ERI3: variants seen among roughly 807,000 people sequenced by gnomAD.
ERI3 encodes the protein ERI1 exoribonuclease 3.
In ERI3, 18 loss-of-function variants were observed where a neutral mutation model predicts 44.4. That is an observed-to-expected ratio of 0.41 (90% CI 0.28 to 0.60). The LOEUF is 0.60. ERI3 is among the 20% of genes least tolerant of loss of function. The probability of loss-of-function intolerance (pLI) is 0.36; values close to 1 mark genes in which losing one functional copy is unlikely to be tolerated. For synonymous variants in ERI3, 183 were observed against 164.8 expected, an observed-to-expected ratio of 1.11 and a Z score of -0.84; for missense variants, 294 against 435.5, an observed-to-expected ratio of 0.68 and a Z score of 2.89.
chr1:44,294,322 T>G, intron 6 of ERI3, among the ~76,000 whole-genome samples: 1 of 152,202 alleles, frequency 6.6e-6, no homozygotes, highest in Non-Finnish European at 1.5e-5. Flanking sequence ...CAAAAGACAC[T>G]GTATATGCAT....
rs148541711 is a variant in ERI3 at position 44,292,734 on chromosome 1, C to T, written c.759-7827G>A. Among the ~76,000 whole-genome samples, 9 of 152,326 alleles carry T rather than the reference C, an allele frequency of 5.9e-5. No individual in the cohort carries two copies. The East Asian group carries it at 1.7e-3, about 29-fold the overall frequency. On this transcript the variant is annotated intron_variant, in intron 6 of 8. Transcript: ENST00000372257. The stretch of plus-strand genomic sequence containing the variant: ...GCTGACTTATCAGCCCACTTTGCCC[C>T]CACACTTGCCCCCTTCCTCTGGGAC...
At chr1:44,333,283 G>A (rs1394749700) in intron 3 of ERI3, among the ~76,000 whole-genome samples, 4 of 152,168 alleles carry the variant, frequency 2.6e-5, no homozygotes, top group South Asian at 2.1e-4. Context: ...CATTAACGTC[G>A]GTTTTGCATT....
chr1:44,235,327 A>G lies in ERI3; in HGVS notation c.931+12612T>C, dbSNP rs902521923. Among the ~76,000 whole-genome samples the G allele has an allele frequency of 6.6e-6, 1 of 152,058 alleles. No individual in the cohort carries two copies. The highest frequency in any genetic ancestry group is 1.5e-5 in the Non-Finnish European group (1 of 68,020). Reference sequence around the variant, plus strand: ...CAAGTCCTCACTTCTCACCTGGCTCATTGCCTTCACCTCTCAGGACCCAGG... The same window carrying G: ...CAAGTCCTCACTTCTCACCTGGCTCGTTGCCTTCACCTCTCAGGACCCAGG... On this transcript the variant is annotated intron_variant, in intron 8 of 8. Transcript: ENST00000372257. This position sits in a 1 kb window ranked among gnomAD's most constrained non-coding sequence, Gnocchi z 4.6.
intron 3 of ERI3, among the ~76,000 whole-genome samples, chr1:44,329,456 T>A (rs531590711): frequency 6.6e-6 from 1 of 152,316 alleles, no homozygotes; most frequent in South Asian, 2.1e-4. Context: ...ATCTCACTCA[T>A]CAGCCCTACC....
intron 7 of ERI3, among the ~76,000 whole-genome samples, chr1:44,253,944 C>T (rs1480191574): frequency 6.6e-6 from 1 of 152,156 alleles, no homozygotes; most frequent in Non-Finnish European, 1.5e-5. Flanking sequence ...GTCACAGAAA[C>T]CATGAGGGAT....
intron 2 of ERI3, among the ~76,000 whole-genome samples, chr1:44,342,818 T>TATATATATATATATATAA (rs1646684848): frequency 9.6e-5 from 1 of 10,368 alleles, no homozygotes; most frequent in Non-Finnish European, 1.9e-4. Context: ...AGCTAATATA[T>TATATATATATATATATAA]ATATATATAT....
chr1:44,339,269 G>T lies in ERI3; in HGVS notation c.265C>A (p.Arg89=). ...CTTGAAAGTAAATACGAAGAAAATC[G>T]AGCTGCTCCAGTCTGTAAAGGTGCT... The part of the protein sequence containing the change: ...MLAPLQTGAA[R]FSSYLLSRAR... Residue 89 remains arginine, a synonymous_variant, in exon 3 of 9, where the codon CGA becomes AGA. Transcript: ENST00000372257. 1 of 1,610,220 alleles carries T rather than the reference G, an allele frequency of 6.2e-7. No homozygotes were observed. The highest frequency in any genetic ancestry group is 8.5e-7 in the Non-Finnish European group (1 of 1,179,284).
At chr1:44,338,364 G>A (rs1646577484) in intron 3 of ERI3, among the ~76,000 whole-genome samples, 1 of 152,184 alleles carries the variant, frequency 6.6e-6, no homozygotes, top group Non-Finnish European at 1.5e-5. Flanking sequence ...GTCATCTGAA[G>A]GCCTGACCGG....
chr1:44,317,603 G>C (rs1293363618), intron 4 of ERI3, among the ~76,000 whole-genome samples: 2 of 152,048 alleles, frequency 1.3e-5, no homozygotes, highest in African/African-American at 2.4e-5. Flanking sequence ...ATCAGGTCTA[G>C]TTTCTTCCCT....
intron 5 of ERI3, among the ~76,000 whole-genome samples, chr1:44,310,963 G>GCGCGCGCGCGCGCGCA (rs1373873768): frequency 7.3e-4 from 90 of 123,178 alleles, no homozygotes; most frequent in Non-Finnish European, 1.1e-3. Context: ...GCGCGCGCGC[G>GCGCGCGCGCGCGCGCA]CACACACACA....
rs562497683 is a variant in ERI3, at chr1:44,341,718, C to G, written c.212-2396G>C. Among the ~76,000 whole-genome samples the G allele has an allele frequency of 3.9e-5, 6 of 152,182 alleles. No individual in the cohort carries two copies. In the East Asian group the frequency reaches 1.2e-3, roughly 29 times the overall value. ...CCTGGGAAACATAGTGAGACCCAAT[C>G]TCTACAAAAAATAAATTAAAAATTA... On this transcript the variant is annotated intron_variant, in intron 2 of 8. Transcript: ENST00000372257.
At chr1:44,274,880 C>T (rs1006764307) in intron 7 of ERI3, among the ~76,000 whole-genome samples, 2 of 152,152 alleles carry the variant, frequency 1.3e-5, no homozygotes, top group Admixed American at 6.5e-5. Context: ...GTGCTCTATG[C>T]GTGTGTTTTT....
intron 7 of ERI3, among the ~76,000 whole-genome samples, chr1:44,271,795 A>C (rs1183795629): frequency 6.6e-6 from 1 of 152,218 alleles, no homozygotes; most frequent in Non-Finnish European, 1.5e-5. Flanking sequence ...CCAGGAATTG[A>C]CCTAAGGTGA....
rs59057207 is a variant in ERI3 at position 44,315,055 on chromosome 1, G to A, written c.607-1827C>T. 4.5e-3 allele frequency among the ~76,000 whole-genome samples: 684 copies of A among 152,336 alleles called. 4 individuals carry two copies. The highest frequency in any genetic ancestry group is 0.016 in the African/African-American group (657 of 41,576). On this transcript the variant is annotated intron_variant, in intron 4 of 8. Coordinates refer to ENST00000372257, the MANE Select transcript of ERI3 (RefSeq NM_024066.3). Reference sequence around the variant, plus strand: ...CCCATTCTGGTCCAGCTTCTCTCCTGTTAAGCCTAGGGCTTAGACACATCT... The same window carrying A: ...CCCATTCTGGTCCAGCTTCTCTCCTATTAAGCCTAGGGCTTAGACACATCT...
chr1:44,226,985 C>A lies in ERI3; in HGVS notation c.932-5345G>T, dbSNP rs143770767. Reference sequence around the variant, plus strand: ...TTGAACTGTCAACACTTTCCCCACCCTTTTGAAACGACAGCTCTATCACAT... The same window carrying A: ...TTGAACTGTCAACACTTTCCCCACCATTTTGAAACGACAGCTCTATCACAT... On this transcript the variant is annotated intron_variant, in intron 8 of 8. Coordinates refer to ENST00000372257, the MANE Select transcript of ERI3 (RefSeq NM_024066.3). Among the ~76,000 whole-genome samples, 89 of 152,260 alleles carry A rather than the reference C, an allele frequency of 5.8e-4. 1 individual carries two copies. Among genetic ancestry groups the A allele is most frequent in the Admixed American group, 2.9e-3 (45 of 15,294 alleles).
At chr1:44,239,587 T>C (rs1644388248) in intron 8 of ERI3, among the ~76,000 whole-genome samples, 1 of 152,212 alleles carries the variant, frequency 6.6e-6, no homozygotes, top group Non-Finnish European at 1.5e-5. Context: ...AGGGTTACCC[T>C]GCCCTGGGGC....
chr1:44,251,915 C>T (rs2154318609), intron 7 of ERI3, among the ~76,000 whole-genome samples: 1 of 152,340 alleles, frequency 6.6e-6, no homozygotes. Flanking sequence ...GGCCCAGAAG[C>T]TTTCTGATCT....
rs536238101 is a variant in ERI3 at position 44,355,093 on chromosome 1, C to T, written c.-67G>A. On this transcript the variant is annotated 5_prime_UTR_variant, in exon 1 of 9. Coordinates refer to ENST00000372257, the MANE Select transcript of ERI3 (RefSeq NM_024066.3). ...CAGGTGCAGGCCCCGACGTCTCCCT[C>T]GGCCTCAGCAAGCGCTCAGGGCAGT... is the stretch of plus-strand genomic sequence containing the variant. 3.5e-4 allele frequency: 448 copies of T among 1,266,518 alleles called. 1 individual carries two copies. Among genetic ancestry groups the T allele is most frequent in the Admixed American group, 9.5e-4 (23 of 24,150 alleles). The allele number at this position is 1,266,518 out of a possible 1,614,324, so 78.5% of individuals were successfully genotyped here.
Position 44,354,973 on chromosome 1 carries a change from T to A in ERI3, c.54A>T (p.Gly18=). 7.3e-7 allele frequency: 1 copy of A among 1,362,084 alleles called. No individual in the cohort carries two copies. Among genetic ancestry groups the A allele is most frequent in the Non-Finnish European group, 9.5e-7 (1 of 1,051,284 alleles). The allele number at this position is 1,362,084 out of a possible 1,614,324, so 84.4% of individuals were successfully genotyped here. Reference sequence around the variant, plus strand: ...GGGCGGGGGGCCAGGAGACCAGCCCTCCTTCCCAGGGCCGCCCCCGCCCCC... The same window carrying A: ...GGGCGGGGGGCCAGGAGACCAGCCCACCTTCCCAGGGCCGCCCCCGCCCCC... ...ADGGRGRPWE[G]GLVSWPPAPP... Residue 18 remains glycine (G), a synonymous_variant, in exon 1 of 9, where the codon GGA becomes GGT. Transcript: ENST00000372257.
Sources: allele counts gnomAD v4.1 joint callset (sites outside exome capture counted in the v4.1 genomes callset), GRCh38; gene constraint gnomAD v4.1.1; non-coding constraint Gnocchi (gnomAD v3.1); transcripts MANE v1.5; gene names NCBI Gene and HGNC (gene_info 2026-07-23, HGNC 2026-07-21).